Variants in APOF observed in about 807,000 individuals in gnomAD.
APOF encodes the protein apolipoprotein F.
APOF carries 2 observed loss-of-function variants against 2.4 expected under a neutral mutation model. That is an observed-to-expected ratio of 0.83 (90% CI 0.34 to 2.61). The LOEUF is 2.61. APOF is among the 30% of genes most tolerant of loss of function. The pLI is 0.11. For synonymous variants in APOF, 149 were observed against 155.6 expected (o/e 0.96, Z 0.32); for missense variants, 370 against 388.7 (o/e 0.95, Z 0.40).
At chr12:56,362,613 G>A (rs968446295) in intron 1 of APOF, 117 bp downstream of exon 1, 5 of 1,037,534 alleles carry the variant, frequency 4.8e-6, no homozygotes, top group African/African-American at 1.6e-5. Context: ...GTTCTTTTTA[G>A]GTAAAGGCCT....
rs1158310767 is a variant in APOF at position 56,361,390 on chromosome 12, C to T, written c.816G>A (p.Glu272=). 2 of 1,613,914 alleles carry T rather than the reference C, an allele frequency of 1.2e-6. No individual in the cohort carries two copies. Among genetic ancestry groups the T allele is most frequent in the Non-Finnish European group, 1.7e-6 (2 of 1,179,900 alleles). The change falls in exon 2 of 2, where the codon GAG becomes GAA. Residue 272 remains glutamate (E), a synonymous_variant. Transcript: ENST00000398189. ...DQKDANISQP[E]TTKEGLRAIS... ...TGGCCCTCAAACCCTCCTTGGTGGT[C>T]TCCGGCTGAGAGATGTTTGCGTCTT... is the stretch of plus-strand genomic sequence containing the variant.
Position 56,362,792 on chromosome 12 carries a change from T to A in APOF, c.-47A>T, listed in dbSNP as rs1406450988. On this transcript the variant is annotated 5_prime_UTR_variant, in exon 1 of 2. Transcript: ENST00000398189. ...TAGGTTTGATCGCTTCCTGATCCTG[T>A]TCTGCCTAGTTCTGTGTCCCATGAG... 17 of 1,607,038 alleles carry A rather than the reference T, an allele frequency of 1.1e-5. No individual in the cohort carries two copies. Among genetic ancestry groups the A allele is most frequent in the Non-Finnish European group, 1.4e-5 (16 of 1,174,324 alleles).
In APOF at chr12:56,361,162, T is replaced by TG. The variant is rs1880299815; in HGVS notation, c.*62dup. 1 of 1,522,794 alleles carries TG rather than the reference T, an allele frequency of 6.6e-7. No homozygotes were observed. Among genetic ancestry groups the TG allele is most frequent in the African/African-American group, 1.4e-5 (1 of 71,814 alleles). 94.3% of individuals were successfully genotyped at this position (1,522,794 alleles called of 1,614,324 possible). ...TCCTGGATAAATCAGATTAAAATTT[T>TG]GAAGACATGTATATAGCTTGTCAGG... is the stretch of plus-strand genomic sequence containing the variant. On this transcript the variant is annotated 3_prime_UTR_variant, in exon 2 of 2. Coordinates refer to ENST00000398189, the MANE Select transcript of APOF (RefSeq NM_001638.4).
In APOF at chr12:56,362,200, G is replaced by T; in HGVS notation, c.17-11C>A. The stretch of plus-strand genomic sequence containing the variant: ...CTGGAGCAGAGTACCCTAGAAAGGG[G>T]AGAAATCCGAAACATACAAACCATT... On this transcript the variant is annotated splice_polypyrimidine_tract_variant and intron_variant, in intron 1 of 1. Transcript: ENST00000398189. 6.2e-7 allele frequency: 1 copy of T among 1,607,150 alleles called. No individual in the cohort carries two copies. The highest frequency in any genetic ancestry group is 1.1e-5 in the South Asian group (1 of 90,772).
intron 1 of APOF, 89 bp downstream of exon 1, chr12:56,362,641 C>T: frequency 1.5e-6 from 2 of 1,337,172 alleles, no homozygotes; most frequent in Admixed American, 1.8e-5. Context: ...AGGAAATGCA[C>T]CCCAGTTGCT....
In APOF at chr12:56,361,149, C is replaced by G. The variant is rs1260492581; in HGVS notation, c.*76G>C. Reference sequence around the variant, plus strand: ...TGTACAGCCTTCCTCCTGGATAAATCAGATTAAAATTTTGAAGACATGTAT... The same window carrying G: ...TGTACAGCCTTCCTCCTGGATAAATGAGATTAAAATTTTGAAGACATGTAT... On this transcript the variant is annotated 3_prime_UTR_variant, in exon 2 of 2. Coordinates refer to ENST00000398189, the MANE Select transcript of APOF (RefSeq NM_001638.4). The G allele has an allele frequency of 2.0e-6, 3 of 1,489,306 alleles. No individual in the cohort carries two copies. In the East Asian group the frequency reaches 6.8e-5, roughly 34 times the overall value. 92.3% of individuals were successfully genotyped at this position (1,489,306 alleles called of 1,614,324 possible).
chr12:56,360,748 T>C lies in APOF; in HGVS notation c.*477A>G, dbSNP rs140395121. The C allele has an allele frequency of 6.4e-3, 1,031 of 161,218 alleles. 9 individuals are homozygous for C. Among genetic ancestry groups the C allele is most frequent in the African/African-American group, 0.023 (963 of 41,532 alleles). The allele number at this position is 161,218 out of a possible 1,614,324, so 10.0% of individuals were successfully genotyped here. ...ACAAGCGTGCATAACTCCGCCAGGA[T>C]AATTTTTTGTATTTATTGTAGAGAC... is the stretch of plus-strand genomic sequence containing the variant. On this transcript the variant is annotated 3_prime_UTR_variant, in exon 2 of 2. Coordinates refer to ENST00000398189, the MANE Select transcript of APOF (RefSeq NM_001638.4).
rs374428721 is a variant in APOF at position 56,362,778 on chromosome 12, G to T, written c.-33C>A. 10 of 1,612,910 alleles carry T rather than the reference G, an allele frequency of 6.2e-6. No homozygotes were observed. In the African/African-American group the frequency reaches 9.3e-5, roughly 15 times the overall value. On this transcript the variant is annotated 5_prime_UTR_variant, in exon 1 of 2. Coordinates refer to ENST00000398189, the MANE Select transcript of APOF (RefSeq NM_001638.4). Reference sequence around the variant, plus strand: ...TGAGACTGCCTTGGTAGGTTTGATCGCTTCCTGATCCTGTTCTGCCTAGTT... The same window carrying T: ...TGAGACTGCCTTGGTAGGTTTGATCTCTTCCTGATCCTGTTCTGCCTAGTT...
chr12:56,361,516 A>C lies in APOF; in HGVS notation c.690T>G (p.Ala230=), dbSNP rs11575217. 11,279 of 1,613,914 alleles carry C rather than the reference A, an allele frequency of 7.0e-3. 681 individuals are homozygous for C. In the African/African-American group the frequency reaches 0.13, roughly 19 times the overall value. The change falls in exon 2 of 2, where the codon GCT becomes GCG. Residue 230 remains alanine (A), a synonymous_variant. Transcript: ENST00000398189. ...DLGYDLLMTM[A]GMSGGPMGLA... is the part of the protein sequence containing the mutation. ...GACCCATAGGCCCCCCTGACATCCC[A>C]GCCATGGTCATCAGAAGGTCATATC...
chr12:56,361,175 A>G lies in APOF; in HGVS notation c.*50T>C. On this transcript the variant is annotated 3_prime_UTR_variant, in exon 2 of 2. Coordinates refer to ENST00000398189, the MANE Select transcript of APOF (RefSeq NM_001638.4). ...AGATTAAAATTTTGAAGACATGTATATAGCTTGTCAGGGTAGTACAGTTAT... is the reference window on the plus strand; with the variant it reads ...AGATTAAAATTTTGAAGACATGTATGTAGCTTGTCAGGGTAGTACAGTTAT... 6.4e-7 allele frequency: 1 copy of G among 1,564,884 alleles called. No individual in the cohort carries two copies. The highest frequency in any genetic ancestry group is 8.6e-7 in the Non-Finnish European group (1 of 1,156,274).
At position 56,361,793 on chromosome 12, in the gene APOF, C is replaced by T. The variant is rs765951251; in HGVS notation, c.413G>A (p.Arg138Lys). 5 of 1,612,148 alleles carry T rather than the reference C, an allele frequency of 3.1e-6. No homozygotes were observed. Among genetic ancestry groups the T allele is most frequent in the African/African-American group, 1.3e-5 (1 of 74,920 alleles). The change falls in exon 2 of 2, where the codon AGG (arginine) becomes AAG (lysine). Residue 138 changes from arginine (R) to lysine (K), a missense_variant. By Grantham distance (26) the Arg-to-Lys change is conservative. Coordinates refer to ENST00000398189, the MANE Select transcript of APOF (RefSeq NM_001638.4). ...GGCCAGGGCTTCCACTGACACGTTC[C>T]TCTCTGTGCTTCTGCCTTTCTGGAG... is the stretch of plus-strand genomic sequence containing the variant. ...RGLQKGRSTE[R>K]NVSVEALASA... is the part of the protein sequence containing the mutation.
chr12:56,361,520 A>G lies in APOF; in HGVS notation c.686T>C (p.Met229Thr). 2 of 1,614,050 alleles carry G rather than the reference A, an allele frequency of 1.2e-6. No individual in the cohort carries two copies. Among genetic ancestry groups the G allele is most frequent in the Non-Finnish European group, 1.7e-6 (2 of 1,179,898 alleles). Residue 229 changes from methionine to threonine, a missense_variant, in exon 2 of 2, where the codon ATG becomes ACG. Transcript: ENST00000398189. ...IDLGYDLLMT[M>T]AGMSGGPMGL... is the part of the protein sequence containing the mutation. ...CATAGGCCCCCCTGACATCCCAGCC[A>G]TGGTCATCAGAAGGTCATATCCCAG... is the stretch of plus-strand genomic sequence containing the variant.
rs752793056 is a variant in APOF, at chr12:56,362,110, G to A, written c.96C>T (p.His32=). ...VELLLCYLLL[H]PVDATSYGKQ... Reference sequence around the variant, plus strand: ...TTCCATATGAAGTGGCATCCACAGGGTGCAGCAGGAGGTAGCAAAGTAGCA... The same window carrying A: ...TTCCATATGAAGTGGCATCCACAGGATGCAGCAGGAGGTAGCAAAGTAGCA... Residue 32 remains histidine (H), a synonymous_variant, in exon 2 of 2, where the codon CAC becomes CAT. Coordinates refer to ENST00000398189, the MANE Select transcript of APOF (RefSeq NM_001638.4). The A allele has an allele frequency of 1.2e-6, 2 of 1,613,984 alleles. No individual in the cohort carries two copies. The highest frequency in any genetic ancestry group is 2.2e-5 in the South Asian group (2 of 91,086).
chr12:56,361,281 A>G lies in APOF; in HGVS notation c.925T>C (p.Trp309Arg), dbSNP rs1350581422. The change falls in exon 2 of 2, where the codon TGG becomes CGG. Residue 309 changes from tryptophan (W) to arginine (R), a missense_variant. Transcript: ENST00000398189. ...AAGTCATAGCTCTTGATTATGGCCCACCCCCAGTAGGGAGCTGAACTTACT... is the reference window on the plus strand; with the variant it reads ...AAGTCATAGCTCTTGATTATGGCCCGCCCCCAGTAGGGAGCTGAACTTACT... ...EVVSSAPYWG[W>R]AIIKSYDLDP... 1.9e-6 allele frequency: 3 copies of G among 1,613,904 alleles called. No individual in the cohort carries two copies. Among genetic ancestry groups the G allele is most frequent in the East Asian group, 2.2e-5 (1 of 44,890 alleles).
At position 56,362,103 on chromosome 12, in the gene APOF, C is replaced by T. The variant is rs370696703; in HGVS notation, c.103G>A (p.Asp35Asn). 3.1e-6 allele frequency: 5 copies of T among 1,613,830 alleles called. No individual in the cohort carries two copies. In the African/African-American group the frequency reaches 6.7e-5, roughly 22 times the overall value. ...GTCTGCTTTCCATATGAAGTGGCAT[C>T]CACAGGGTGCAGCAGGAGGTAGCAA... ...LLCYLLLHPV[D>N]ATSYGKQTNV... is the part of the protein sequence containing the mutation. Residue 35 changes from aspartate (D) to asparagine (N), a missense_variant, in exon 2 of 2, where the codon GAT (aspartate) becomes AAT (asparagine). Coordinates refer to ENST00000398189, the MANE Select transcript of APOF (RefSeq NM_001638.4).
In APOF at chr12:56,361,194, C is replaced by G. The variant is rs1347357677; in HGVS notation, c.*31G>C. 3 of 1,595,406 alleles carry G rather than the reference C, an allele frequency of 1.9e-6. No homozygotes were observed. Among genetic ancestry groups the G allele is most frequent in the Non-Finnish European group, 2.6e-6 (3 of 1,170,556 alleles). ...ATGTATATAGCTTGTCAGGGTAGTA[C>G]AGTTATTAATTCTGTGGTTACCACA... On this transcript the variant is annotated 3_prime_UTR_variant, in exon 2 of 2. Transcript: ENST00000398189.
In APOF at chr12:56,361,997, G is replaced by A. The variant is rs201032653; in HGVS notation, c.209C>T (p.Pro70Leu). ...GTGGCTGAAACCAGGCAGTGACTTT[G>A]GGTGCAGAAATTGGCAGGACAAGGG... ...SDPLSCQFLHPKSLPGFSHMA... is the reference protein window; with the variant it reads ...SDPLSCQFLHLKSLPGFSHMA... The change falls in exon 2 of 2, where the codon CCA becomes CTA. Residue 70 changes from proline to leucine, a missense_variant. Coordinates refer to ENST00000398189, the MANE Select transcript of APOF (RefSeq NM_001638.4). 2.6e-5 allele frequency: 42 copies of A among 1,613,880 alleles called. No homozygotes were observed. Among genetic ancestry groups the A allele is most frequent in the Non-Finnish European group, 3.5e-5 (41 of 1,179,898 alleles).
In APOF at chr12:56,361,758, G is replaced by T; in HGVS notation, c.448C>A (p.Gln150Lys). The change falls in exon 2 of 2, where the codon CAG (glutamine) becomes AAG (lysine). Residue 150 changes from glutamine to lysine, a missense_variant. Coordinates refer to ENST00000398189, the MANE Select transcript of APOF (RefSeq NM_001638.4). ...CTTTGCTGCTCCCTGGCTAACAGCT[G>T]CAGAGCAGAGGCCAGGGCTTCCACT... is the stretch of plus-strand genomic sequence containing the variant. ...VSVEALASAL[Q>K]LLAREQQSTG... 2 of 1,609,790 alleles carry T rather than the reference G, an allele frequency of 1.2e-6. No individual in the cohort carries two copies. Among genetic ancestry groups the T allele is most frequent in the Non-Finnish European group, 1.7e-6 (2 of 1,178,040 alleles).
chr12:56,361,852 A>G lies in APOF; in HGVS notation c.354T>C (p.Asn118=). The G allele has an allele frequency of 1.9e-6, 3 of 1,613,634 alleles. No individual in the cohort carries two copies. The highest frequency in any genetic ancestry group is 2.5e-6 in the Non-Finnish European group (3 of 1,179,748). The change falls in exon 2 of 2, where the codon AAT becomes AAC. Residue 118 remains asparagine, a synonymous_variant. Coordinates refer to ENST00000398189, the MANE Select transcript of APOF (RefSeq NM_001638.4). ...GATGCTGGATGAGGACCTGTGTAGCATTCACACCACCCTGGCGGTAGAGCT... is the reference window on the plus strand; with the variant it reads ...GATGCTGGATGAGGACCTGTGTAGCGTTCACACCACCCTGGCGGTAGAGCT... ...QLQLYRQGGV[N]ATQVLIQHLR...
Sources: gnomAD v4.1 joint callset for allele counts on GRCh38, gnomAD v4.1.1 for gene constraint, MANE v1.5 for transcripts, NCBI Gene and HGNC (gene_info 2026-07-23, HGNC 2026-07-21) for gene names.